The following SSC5D variants were observed in gnomAD, a reference collection of about 807,000 sequenced individuals.
SSC5D encodes the protein scavenger receptor cysteine rich family member with 5 domains, also known as soluble scavenger receptor cysteine-rich domain-containing protein SSC5D.
SSC5D carries 106 observed loss-of-function variants against 104.6 expected under a neutral mutation model. That is an observed-to-expected ratio of 1.01 (90% CI 0.87 to 1.19). SSC5D has a LOEUF of 1.19. SSC5D is among the 50% of genes most tolerant of loss of function. The pLI, the probability that SSC5D is intolerant of heterozygous loss-of-function variation, is 0.00. For missense variants in SSC5D, 1,993 were observed against 2,153.8 expected (o/e 0.93, Z 1.48); for synonymous variants, 860 against 883.5 (o/e 0.97, Z 0.47).
Position 55,489,618 on chromosome 19 carries a change from CCCA to C in SSC5D, c.319_321del (p.His107del). 1 of 1,532,752 alleles carries C rather than the reference CCCA, an allele frequency of 6.5e-7. No homozygotes were observed. The highest frequency in any genetic ancestry group is 1.4e-5 in the African/African-American group (1 of 73,056). The allele number at this position is 1,532,752 out of a possible 1,614,324, so 94.9% of individuals were successfully genotyped here. ...CTCTGCCACCACCGGGGCTGGAAGG[CCCA>C]CATCTGCTCCCACGAGGAGGACGCG... On this transcript the variant is annotated inframe_deletion, in exon 3 of 14. Coordinates refer to ENST00000389623, the MANE Select transcript of SSC5D (RefSeq NM_001144950.2).
At chr19:55,493,971 G>A in intron 7 of SSC5D, 59 bp downstream of exon 7, 5 of 492,776 alleles carry the variant, frequency 1.0e-5, no homozygotes, top group South Asian at 2.9e-5. Context: ...GAGCGGAGGG[G>A]CAAGTTCGGC....
rs765782027 is a variant in SSC5D, at chr19:55,490,813, C to T, written c.628C>T (p.Arg210Cys). The change falls in exon 6 of 14, where the codon CGC becomes TGC. Residue 210 changes from arginine (R) to cysteine (C), a missense_variant. Around this residue, in one of 6 missense-constraint regions of SSC5D, gnomAD observed 1,101 missense variants for 1,085.0 expected, o/e 1.01. Transcript: ENST00000389623. Reference sequence around the variant, plus strand: ...CTCTGGCCCCCACAGGTGCGCCGGACGCCTGGAGGTCTGGCACGGCGGGCG... The same window carrying T: ...CTCTGGCCCCCACAGGTGCGCCGGATGCCTGGAGGTCTGGCACGGCGGGCG... ...LVSGPHRCAG[R>C]LEVWHGGRWG... 2.3e-5 allele frequency: 35 copies of T among 1,545,904 alleles called. No homozygotes were observed. Among genetic ancestry groups the T allele is most frequent in the South Asian group, 1.4e-4 (12 of 83,574 alleles).
intron 6 of SSC5D, 39 bp downstream of exon 6, chr19:55,491,119 C>A: frequency 1.3e-6 from 2 of 1,522,442 alleles, no homozygotes; most frequent in South Asian, 1.2e-5. Flanking sequence ...CTGTCTTCCT[C>A]AGACCCCAGC....
intron 8 of SSC5D, among the ~76,000 whole-genome samples, chr19:55,495,736 C>T (rs537638032): frequency 8.6e-5 from 13 of 151,792 alleles, no homozygotes; most frequent in Admixed American, 6.6e-4. Flanking sequence ...GGAAGCATGG[C>T]AGGAATCTTT....
At position 55,500,478 on chromosome 19, in the gene SSC5D, C is replaced by G. The variant is rs1378972672; in HGVS notation, c.2303-12C>G. ...CTGACCCTCCCTCCTGACCTAAGGG[C>G]CTTCCACGCAGGCCTGTTCCGGGTT... On this transcript the variant is annotated splice_polypyrimidine_tract_variant and intron_variant, in intron 10 of 13. Coordinates refer to ENST00000389623, the MANE Select transcript of SSC5D (RefSeq NM_001144950.2). This position sits in a 1 kb window ranked among gnomAD's most constrained non-coding sequence, Gnocchi z 4.6. 7 of 1,550,378 alleles carry G rather than the reference C, an allele frequency of 4.5e-6. No individual in the cohort carries two copies. The Admixed American group carries it at 1.4e-4, about 30-fold the overall frequency.
intron 12 of SSC5D, chr19:55,504,064 T>G (rs1987580951): frequency 6.6e-7 from 1 of 1,514,424 alleles, no homozygotes; most frequent in Non-Finnish European, 8.8e-7. Context: ...GCGCCGTGAC[T>G]TGGGGGTGGG....
chr19:55,496,281 C>T (rs570706750), intron 8 of SSC5D, among the ~76,000 whole-genome samples: 1 of 152,280 alleles, frequency 6.6e-6, no homozygotes, highest in African/African-American at 2.4e-5. Context: ...AGCCATTTAC[C>T]ATCTCTAGGA....
At chr19:55,498,428 A>G (rs1409903200) in intron 9 of SSC5D, among the ~76,000 whole-genome samples, 3 of 152,218 alleles carry the variant, frequency 2.0e-5, no homozygotes, top group African/African-American at 7.2e-5. Context: ...CTTGCTCAAG[A>G]TCACACAGCA....
chr19:55,489,098 G>A, intron 2 of SSC5D, 66 bp downstream of exon 2: 1 of 932,966 alleles, frequency 1.1e-6, no homozygotes, highest in Non-Finnish European at 1.4e-6. Flanking sequence ...TGCCCATCCA[G>A]GCCTGGCCTC....
chr19:55,513,897 C>G (rs1029445685), intron 13 of SSC5D, among the ~76,000 whole-genome samples: 19 of 152,136 alleles, frequency 1.2e-4, no homozygotes, highest in Non-Finnish European at 2.8e-4. Flanking sequence ...AAGAGGAAAA[C>G]AGGTGATTCC....
intron 13 of SSC5D, among the ~76,000 whole-genome samples, chr19:55,514,381 G>T (rs535630345): frequency 2.4e-4 from 35 of 148,106 alleles, no homozygotes; most frequent in African/African-American, 8.2e-4. Context: ...CTCCAGCCTG[G>T]GCAACAGAGT....
Position 55,517,327 on chromosome 19 carries a change from C to A in SSC5D, c.3051C>A (p.Pro1017=), listed in dbSNP as rs1408262482. ...CAGGTCCCTCCGCCTCTCCGGGACC[C>A]CCAGGCCCAGCGCTGACCTCTGACT... ...PSPGPSASPG[P]PGPALTSDSS... The change falls in exon 14 of 14, where the codon CCC becomes CCA. Residue 1017 remains proline (P), a synonymous_variant. Transcript: ENST00000389623. 5.8e-6 allele frequency: 9 copies of A among 1,550,066 alleles called. No homozygotes were observed. Among genetic ancestry groups the A allele is most frequent in the Non-Finnish European group, 7.8e-6 (9 of 1,146,890 alleles).
rs1183795761 is a variant in SSC5D, at chr19:55,518,311, G to A, written c.4035G>A (p.Leu1345=). The A allele has an allele frequency of 1.3e-6, 2 of 1,532,196 alleles. No homozygotes were observed. The highest frequency in any genetic ancestry group is 2.4e-5 in the South Asian group (2 of 83,892). The allele number at this position is 1,532,196 out of a possible 1,614,324, so 94.9% of individuals were successfully genotyped here. ...CTACTGTGTCCCTTCCAACCTCCTT[G>A]GGGACAGAACTCTCCTCTCCCACTC... ...VITTVSLPTS[L]GTELSSPTLA... The change falls in exon 14 of 14, where the codon TTG becomes TTA. Residue 1345 remains leucine (L), a synonymous_variant. Transcript: ENST00000389623.
intron 3 of SSC5D, 108 bp downstream of exon 3, chr19:55,489,770 C>G: frequency 6.7e-7 from 1 of 1,483,034 alleles, no homozygotes; most frequent in Non-Finnish European, 9.2e-7. Context: ...TCAGAGACAC[C>G]CAACCTCCCA....
intron 13 of SSC5D, among the ~76,000 whole-genome samples, chr19:55,513,545 G>C (rs1987805677): frequency 6.6e-6 from 1 of 152,184 alleles, no homozygotes; most frequent in Admixed American, 6.5e-5. Context: ...ATTCCAGCCT[G>C]GGTGCCAGAG....
rs1289838582 is a variant in SSC5D, at chr19:55,500,171, G to A, written c.2061G>A (p.Glu687=). The change falls in exon 10 of 14, where the codon GAG becomes GAA. Residue 687 remains glutamate, a synonymous_variant. Transcript: ENST00000389623. The surrounding 1 kb of genome is among the most constrained non-coding windows in gnomAD (Gnocchi z 4.6). Reference sequence around the variant, plus strand: ...AGTTTACCAGAAGGCCGACCACGGAGGCCCCCCAGAGATGGACCTCTCACA... The same window carrying A: ...AGTTTACCAGAAGGCCGACCACGGAAGCCCCCCAGAGATGGACCTCTCACA... The part of the protein sequence containing the change: ...TSEFTRRPTT[E]APQRWTSHTT... 2 of 1,550,978 alleles carry A rather than the reference G, an allele frequency of 1.3e-6. No individual in the cohort carries two copies. The highest frequency in any genetic ancestry group is 1.7e-6 in the Non-Finnish European group (2 of 1,146,744).
chr19:55,499,560 AG>A (rs1021257049), intron 9 of SSC5D, among the ~76,000 whole-genome samples: 4 of 152,090 alleles, frequency 2.6e-5, no homozygotes, highest in East Asian at 1.9e-4. Flanking sequence ...TGAAAGGGTG[AG>A]GGGGTCAGTT....
At chr19:55,497,859 T>G (rs1987364280) in intron 8 of SSC5D, 21 bp from the exon 9 acceptor site, 1 of 1,505,120 alleles carries the variant, frequency 6.6e-7, no homozygotes, top group Non-Finnish European at 8.9e-7. Flanking sequence ...ACTCTAATTC[T>G]TTGGGTCTCT....
intron 1 of SSC5D, 48 bp from the exon 2 acceptor site, chr19:55,488,958 C>CCCCCGGCCTGCCCCTCACACTG: frequency 7.0e-7 from 1 of 1,436,658 alleles, no homozygotes; most frequent in Non-Finnish European, 9.5e-7. Context: ...GAAAGGGCCA[C>CCCCCGGCCTGCCCCTCACACTG]CCCCGGCCTG....
Sources: allele counts gnomAD v4.1 joint callset (sites outside exome capture counted in the v4.1 genomes callset), GRCh38; gene constraint gnomAD v4.1.1; regional missense constraint gnomAD v4.1.1; non-coding constraint Gnocchi (gnomAD v3.1); transcripts MANE v1.5; gene names NCBI Gene and HGNC (gene_info 2026-07-23, HGNC 2026-07-21).